Variants in PRKDC observed in about 807,000 individuals in gnomAD.
PRKDC encodes protein kinase, DNA-activated, catalytic subunit.
PRKDC carries 82 observed loss-of-function variants against 486.9 expected under a neutral mutation model. The ratio of observed to expected loss-of-function variants is 0.17; its 90% confidence interval spans 0.14 to 0.20. The LOEUF is 0.20. Ranked by LOEUF, PRKDC falls within the 10% of genes least tolerant of loss-of-function variation. PRKDC has a pLI of 1.00. For missense variants in PRKDC, 4,504 were observed against 5,038.2 expected, an observed-to-expected ratio of 0.89 and a Z score of 3.21; for synonymous variants, 1,895 against 1,837.0, an observed-to-expected ratio of 1.03 and a Z score of -0.81.
At chr8:47,929,770 A>T (rs1475226569) in intron 18 of PRKDC, 83 bp downstream of exon 18, 20 of 1,365,562 alleles carry the variant, frequency 1.5e-5, no homozygotes, top group Non-Finnish European at 1.9e-5. Context: ...TGCATAGGCC[A>T]CAATCACATA....
Position 47,953,573 on chromosome 8 carries a change from G to A in PRKDC, c.721+47C>T, listed in dbSNP as rs775444006. On this transcript the variant is annotated intron_variant, in intron 7 of 85. Transcript: ENST00000314191. ...AGAAATAATCAGGCATTGCTGGTTA[G>A]ACTTACAGTTTTTGAATAAAGAAAA... 3 of 1,496,176 alleles carry A rather than the reference G, an allele frequency of 2.0e-6. No individual in the cohort carries two copies. The South Asian group carries it at 3.6e-5, about 18-fold the overall frequency. The allele number at this position is 1,496,176 out of a possible 1,614,324, so 92.7% of individuals were successfully genotyped here.
chr8:47,891,931 C>A (rs1017768263), intron 31 of PRKDC, among the ~76,000 whole-genome samples: 1 of 151,972 alleles, frequency 6.6e-6, no homozygotes, highest in Non-Finnish European at 1.5e-5. Flanking sequence ...TGCTCTGGTG[C>A]GATCTCAGCT....
At chr8:47,817,747 C>T (rs1257157772) in intron 67 of PRKDC, among the ~76,000 whole-genome samples, 186 bp from the exon 68 acceptor site, 1 of 152,148 alleles carries the variant, frequency 6.6e-6, no homozygotes, top group Non-Finnish European at 1.5e-5. Context: ...AACTCAATTG[C>T]TTAAGGACAG....
chr8:47,957,533 T>TG, intron 1 of PRKDC, 102 bp from the exon 2 acceptor site: 1 of 999,608 alleles, frequency 1.0e-6, no homozygotes. Context: ...TTTTTTGAGA[T>TG]GGAGTCTCGC....
intron 21 of PRKDC, among the ~76,000 whole-genome samples, chr8:47,921,946 A>AATTTTTGTATTTTGT (rs1169547356): frequency 1.3e-5 from 2 of 151,748 alleles, no homozygotes; most frequent in African/African-American, 2.4e-5. Context: ...ACACCCAGAT[A>AATTTTTGTATTTTGT]ATTTTTGTAT....
intron 54 of PRKDC, 32 bp from the exon 55 acceptor site, chr8:47,840,221 T>C: frequency 6.5e-7 from 1 of 1,531,362 alleles, no homozygotes; most frequent in South Asian, 1.2e-5. Context: ...CACACAAATT[T>C]AGCTATTTTT....
chr8:47,939,136 T>A lies in PRKDC; in HGVS notation c.1113+415A>T, dbSNP rs8178019. Among the ~76,000 whole-genome samples the A allele has an allele frequency of 3.9e-3, 598 of 152,288 alleles. 4 individuals are homozygous for A. Among genetic ancestry groups the A allele is most frequent in the South Asian group, 0.025 (119 of 4,820 alleles). On this transcript the variant is annotated intron_variant, in intron 11 of 85. Coordinates refer to ENST00000314191, the MANE Select transcript of PRKDC (RefSeq NM_006904.7). ...TACTGAGCTCCTAAGGGTTAGGAGA[T>A]TTTGAGATACCACATGTAAAGAATT...
intron 5 of PRKDC, 121 bp from the exon 6 acceptor site, chr8:47,954,040 T>C (rs961326211): frequency 3.4e-6 from 2 of 584,434 alleles, no homozygotes; most frequent in South Asian, 5.9e-5. Context: ...CAGTAAGAGA[T>C]ATAAAATATA....
At chr8:47,940,412 T>G (rs1224059274) in intron 10 of PRKDC, among the ~76,000 whole-genome samples, 1 of 152,102 alleles carries the variant, frequency 6.6e-6, no homozygotes, top group Admixed American at 6.6e-5. Context: ...AAGAAATCTA[T>G]CTAGACAATT....
chr8:47,930,741 G>C lies in PRKDC; in HGVS notation c.1823C>G (p.Pro608Arg). 2 of 1,591,434 alleles carry C rather than the reference G, an allele frequency of 1.3e-6. No homozygotes were observed. The highest frequency in any genetic ancestry group is 1.7e-6 in the Non-Finnish European group (2 of 1,168,650). ...PGVWMIPTSD[P>R]AANLHPAKPK... ...TTTAGCTGGATGCAAGTTAGCCGCT[G>C]GATCTGAAGTTGGGATCATCCAAAC... The change falls in exon 17 of 86, where the codon CCA becomes CGA. Residue 608 changes from proline (P) to arginine (R), a missense_variant. By Grantham distance (103) the Pro-to-Arg change is moderately radical (BLOSUM62 -2). This residue lies in a region of PRKDC where 1,969 missense variants were observed against 2,068.9 expected (regional missense o/e 0.95). Coordinates refer to ENST00000314191, the MANE Select transcript of PRKDC (RefSeq NM_006904.7).
In PRKDC at chr8:47,862,085, A is replaced by T. The variant is rs368584680; in HGVS notation, c.5962T>A (p.Tyr1988Asn). The change falls in exon 44 of 86, where the codon TAT becomes AAT. Residue 1988 changes from tyrosine (Y) to asparagine (N), a missense_variant. This residue lies in a region of PRKDC where 1,592 missense variants were observed against 1,724.6 expected (regional missense o/e 0.92). Transcript: ENST00000314191. The part of the protein sequence containing the change: ...FENLIDLKRR[Y>N]NFPVEVEVPM... ...ACCTCAACTTCTACAGGAAAATTAT[A>T]GCGGCGCTTCAGGTCGATCAGATTT... is the stretch of plus-strand genomic sequence containing the variant. 3.9e-6 allele frequency: 6 copies of T among 1,553,884 alleles called. No individual in the cohort carries two copies. Among genetic ancestry groups the T allele is most frequent in the Non-Finnish European group, 5.2e-6 (6 of 1,147,384 alleles).
At chr8:47,936,625 T>TC (rs1563812591) in intron 11 of PRKDC, 108 bp from the exon 12 acceptor site, 1 of 1,319,232 alleles carries the variant, frequency 7.6e-7, no homozygotes, top group Non-Finnish European at 1.0e-6. Flanking sequence ...TAACAAGGCT[T>TC]CTTTTTTTTT....
chr8:47,820,224 C>A (rs922485486), intron 66 of PRKDC, among the ~76,000 whole-genome samples: 44 of 152,178 alleles, frequency 2.9e-4, no homozygotes, highest in African/African-American at 1.0e-3. Flanking sequence ...ACCAGCCTGG[C>A]CAACATGGTT....
At position 47,861,365 on chromosome 8, in the gene PRKDC, C is replaced by T. The variant is rs951551411; in HGVS notation, c.5986-394G>A. ...AGAAGTAACATACAGCATGTGTCTA[C>T]ACGCTTAATAAACTGGTGCTAATTT... On this transcript the variant is annotated intron_variant, in intron 44 of 85. Coordinates refer to ENST00000314191, the MANE Select transcript of PRKDC (RefSeq NM_006904.7). Among the ~76,000 whole-genome samples the T allele has an allele frequency of 2.0e-5, 3 of 152,230 alleles. No individual in the cohort carries two copies. The South Asian group carries it at 6.2e-4, about 32-fold the overall frequency.
At chr8:47,838,830 T>A (rs1192437920) in intron 56 of PRKDC, among the ~76,000 whole-genome samples, 2 of 152,238 alleles carry the variant, frequency 1.3e-5, no homozygotes, top group Non-Finnish European at 2.9e-5. Flanking sequence ...CTCAACTATG[T>A]GTGTTAAATG....
intron 67 of PRKDC, among the ~76,000 whole-genome samples, chr8:47,819,103 G>A (rs2087523172): frequency 6.6e-6 from 1 of 152,112 alleles, no homozygotes; most frequent in African/African-American, 2.4e-5. Context: ...CTCAGGCCAG[G>A]GTGGGCCCCA....
intron 32 of PRKDC, among the ~76,000 whole-genome samples, chr8:47,889,808 C>G (rs1375464710): frequency 6.6e-6 from 1 of 152,170 alleles, no homozygotes; most frequent in Non-Finnish European, 1.5e-5. Flanking sequence ...GATCATTCAT[C>G]ATGATGACTG....
In PRKDC at chr8:47,778,640, C is replaced by T; in HGVS notation, c.11672G>A (p.Ser3891Asn). Residue 3891 changes from serine (S) to asparagine (N), a missense_variant, in exon 83 of 86, where the codon AGT becomes AAT. Around this residue, in one of 6 missense-constraint regions of PRKDC, gnomAD observed 706 missense variants for 945.0 expected, o/e 0.75. Transcript: ENST00000314191. ...CGCCAGGAAAGCCTCAGGGCTTGTA[C>T]TCATCCTCACGAAGGCCCGCCTACA... ...DLLKRAFVRMSTSPEAFLALR... is the reference protein window; with the variant it reads ...DLLKRAFVRMNTSPEAFLALR... 6.2e-7 allele frequency: 1 copy of T among 1,613,458 alleles called. No individual in the cohort carries two copies. The highest frequency in any genetic ancestry group is 8.5e-7 in the Non-Finnish European group (1 of 1,179,632).
chr8:47,914,793 G>GA (rs538297890), intron 23 of PRKDC, among the ~76,000 whole-genome samples: 30,030 of 125,596 alleles, frequency 0.24, 6,229 homozygotes, highest in African/African-American at 0.56. Context: ...AGAGCGAGGG[G>GA]AAAAAAAAAA....
Sources: gnomAD v4.1 joint callset for allele counts (sites outside exome capture counted in the v4.1 genomes callset) on GRCh38, gnomAD v4.1.1 for gene constraint, gnomAD v4.1.1 regional missense constraint, MANE v1.5 for transcripts, NCBI Gene and HGNC (gene_info 2026-07-23, HGNC 2026-07-21) for gene names.